Variants in SYNDIG1 observed in about 807,000 individuals in gnomAD.
SYNDIG1 encodes the protein synapse differentiation inducing 1.
Under a neutral mutation model 19.4 loss-of-function variants are expected in SYNDIG1, and 9 were observed. That is an observed-to-expected ratio of 0.46 (90% CI 0.28 to 0.81). The LOEUF (loss-of-function observed/expected upper bound fraction) is 0.81. SYNDIG1 is among the 30% of genes least tolerant of loss of function. SYNDIG1 has a pLI of 0.12. For missense variants in SYNDIG1, 311 were observed against 343.3 expected, an observed-to-expected ratio of 0.91 and a Z score of 0.74; for synonymous variants, 141 against 145.9, an observed-to-expected ratio of 0.97 and a Z score of 0.24.
intron 3 of SYNDIG1, among the ~76,000 whole-genome samples, chr20:24,641,328 C>A (rs1431081763): frequency 2.0e-5 from 3 of 152,118 alleles, no homozygotes; most frequent in Admixed American, 2.0e-4. Flanking sequence ...TGGGTAGATA[C>A]ATAAATATAG....
chr20:24,589,852 G>A (rs1275255076), intron 3 of SYNDIG1, among the ~76,000 whole-genome samples: 1 of 152,162 alleles, frequency 6.6e-6, no homozygotes, highest in Non-Finnish European at 1.5e-5. Context: ...TCTTTTTATG[G>A]TACTGAAAAT....
intron 3 of SYNDIG1, among the ~76,000 whole-genome samples, chr20:24,608,645 G>A (rs1053974566): frequency 2.6e-5 from 4 of 152,108 alleles, no homozygotes; most frequent in African/African-American, 7.2e-5. Context: ...CTGATCTCAC[G>A]GATGAGACAA....
rs150659223 is a variant in SYNDIG1, at chr20:24,584,990, T to C, written c.615T>C (p.His205=). The part of the protein sequence containing the change: ...PLGIAAFYLS[H]ETNKAVAKGD... ...GCATCGCAGCCTTCTACTTGTCCCA[T>C]GAGGTAAGGCCTCCTTGGTCTGTCG... The change falls in exon 3 of 4, where the codon CAT becomes CAC. Residue 205 remains histidine, a synonymous_variant. Coordinates refer to ENST00000376862, the MANE Select transcript of SYNDIG1 (RefSeq NM_024893.3). The C allele has an allele frequency of 1.9e-6, 3 of 1,600,836 alleles. No homozygotes were observed. The African/African-American group carries it at 4.2e-5, about 23-fold the overall frequency.
At chr20:24,492,350 G>A (rs1454022027) in intron 1 of SYNDIG1, among the ~76,000 whole-genome samples, 2 of 152,180 alleles carry the variant, frequency 1.3e-5, no homozygotes, top group African/African-American at 2.4e-5. Context: ...GGGTAGGCTC[G>A]GCCCCGCCGC....
At chr20:24,495,756 A>T (rs1011603488) in intron 1 of SYNDIG1, 1 of 152,264 alleles carries the variant, frequency 6.6e-6, no homozygotes, top group Non-Finnish European at 1.5e-5. Flanking sequence ...CACATTGGTG[A>T]GGTGGGCCAA....
At chr20:24,576,549 G>T (rs1268704944) in intron 2 of SYNDIG1, among the ~76,000 whole-genome samples, 3 of 152,204 alleles carry the variant, frequency 2.0e-5, no homozygotes, top group African/African-American at 7.2e-5. Context: ...GGGGCTCTGA[G>T]ATCTGCTTTG....
chr20:24,662,997 C>A (rs189935746), intron 3 of SYNDIG1, among the ~76,000 whole-genome samples: 265 of 152,308 alleles, frequency 1.7e-3, no homozygotes, highest in Middle Eastern at 3.4e-3. Flanking sequence ...CCATTTGCAC[C>A]CTGCCAAAGG....
At chr20:24,565,206 G>A (rs2058022546) in intron 2 of SYNDIG1, among the ~76,000 whole-genome samples, 1 of 152,214 alleles carries the variant, frequency 6.6e-6, no homozygotes, top group Non-Finnish European at 1.5e-5. Context: ...AACCACCGGG[G>A]ATATAGTGGA....
intron 1 of SYNDIG1, among the ~76,000 whole-genome samples, chr20:24,471,202 A>AG (rs2055442399): frequency 6.6e-6 from 1 of 152,134 alleles, no homozygotes; most frequent in South Asian, 2.1e-4. Flanking sequence ...TGCGACCTCA[A>AG]GGGCTGCCGC....
chr20:24,582,878 G>C (rs1289074909), intron 2 of SYNDIG1, among the ~76,000 whole-genome samples: 2 of 152,240 alleles, frequency 1.3e-5, no homozygotes, highest in Non-Finnish European at 2.9e-5. Context: ...CCCAGCAGGA[G>C]GGGCGAGGCC....
intron 1 of SYNDIG1, among the ~76,000 whole-genome samples, chr20:24,501,512 G>A (rs1028416103): frequency 6.6e-6 from 1 of 152,158 alleles, no homozygotes; most frequent in African/African-American, 2.4e-5. Context: ...ATTTCTGATG[G>A]GAAGCTATAT....
intron 1 of SYNDIG1, among the ~76,000 whole-genome samples, chr20:24,493,295 C>T (rs1392306567): frequency 6.6e-6 from 1 of 152,234 alleles, no homozygotes; most frequent in Non-Finnish European, 1.5e-5. Context: ...CTCATGTGCA[C>T]ACATCCACAT....
Position 24,625,205 on chromosome 20 carries a change from C to T in SYNDIG1, c.619-40141C>T, listed in dbSNP as rs529813860. Among the ~76,000 whole-genome samples, 50 of 152,044 alleles carry T rather than the reference C, an allele frequency of 3.3e-4. No individual in the cohort carries two copies. The South Asian group carries it at 7.1e-3, about 21-fold the overall frequency. On this transcript the variant is annotated intron_variant, in intron 3 of 3. Transcript: ENST00000376862. ...GAGAAGAAATGAATAACATTATAAACGGGAAAAATGTAGAGAAAAACAACA... is the reference window on the plus strand; with the variant it reads ...GAGAAGAAATGAATAACATTATAAATGGGAAAAATGTAGAGAAAAACAACA...
At chr20:24,474,841 G>A (rs547882096) in intron 1 of SYNDIG1, among the ~76,000 whole-genome samples, 69 of 152,300 alleles carry the variant, frequency 4.5e-4, no homozygotes, top group Non-Finnish European at 7.6e-4. Flanking sequence ...ACCTCCATCT[G>A]TTTCTTCCTT....
intron 1 of SYNDIG1, among the ~76,000 whole-genome samples, chr20:24,471,109 T>C (rs959572508): frequency 8.6e-5 from 13 of 151,434 alleles, no homozygotes; most frequent in African/African-American, 3.2e-4. Flanking sequence ...AAGAAGGAGG[T>C]GGTGTGTGTG....
At chr20:24,472,866 T>G (rs1263546646) in intron 1 of SYNDIG1, among the ~76,000 whole-genome samples, 2 of 152,224 alleles carry the variant, frequency 1.3e-5, no homozygotes, top group East Asian at 3.8e-4. Context: ...TTTGAATACC[T>G]TTATAAAGTG....
At chr20:24,505,965 CT>C (rs1157033551) in intron 1 of SYNDIG1, among the ~76,000 whole-genome samples, 1 of 152,218 alleles carries the variant, frequency 6.6e-6, no homozygotes, top group African/African-American at 2.4e-5. Context: ...GAAATGGTTT[CT>C]TTGTAACTGG....
chr20:24,664,639 C>T (rs735185), intron 3 of SYNDIG1, among the ~76,000 whole-genome samples: 11,312 of 152,242 alleles, frequency 0.074, 532 homozygotes, highest in Non-Finnish European at 0.098. Flanking sequence ...ATTACACCAA[C>T]ACCTGGTCAT....
intron 1 of SYNDIG1, among the ~76,000 whole-genome samples, chr20:24,540,326 A>G (rs1301526022): frequency 6.6e-6 from 1 of 152,120 alleles, no homozygotes; most frequent in East Asian, 1.9e-4. Flanking sequence ...AGGGTTTTCT[A>G]TATGTGAGAT....
Sources: gnomAD v4.1 joint callset for allele counts (sites outside exome capture counted in the v4.1 genomes callset) on GRCh38, gnomAD v4.1.1 for gene constraint, MANE v1.5 for transcripts, NCBI Gene and HGNC (gene_info 2026-07-23, HGNC 2026-07-21) for gene names.